The following OR9Q1 variants were observed in gnomAD, a reference collection of about 807,000 sequenced individuals.
OR9Q1 encodes olfactory receptor 9Q1.
For missense variants in OR9Q1, 374 were observed against 378.8 expected (o/e 0.99, Z 0.11); for synonymous variants, 153 against 148.6 (o/e 1.03, Z -0.22).
At position 58,160,438 on chromosome 11, in the gene OR9Q1, T is replaced by TTTGTTGTTG. The variant is rs138422584; in HGVS notation, c.-14-18963_-14-18955dup. 1.2e-3 allele frequency among the ~76,000 whole-genome samples: 180 copies of TTTGTTGTTG among 150,202 alleles called. 1 individual carries two copies. Among genetic ancestry groups the TTTGTTGTTG allele is most frequent in the African/African-American group, 4.2e-3 (169 of 40,658 alleles). The stretch of plus-strand genomic sequence containing the variant: ...AATTTTGATCTGAATGAGTAGAATA[T>TTTGTTGTTG]TTGTTGTTGTTGTTGTTGTTGTTGT... On this transcript the variant is annotated intron_variant, in intron 2 of 2. Coordinates refer to ENST00000335397, the MANE Select transcript of OR9Q1 (RefSeq NM_001005212.4).
chr11:58,106,238 A>G (rs1218253914), intron 2 of OR9Q1, among the ~76,000 whole-genome samples: 2 of 149,494 alleles, frequency 1.3e-5, no homozygotes, highest in Non-Finnish European at 3.0e-5. Flanking sequence ...CATTTCCCTT[A>G]TGATTTAGTG....
chr11:58,043,001 C>T (rs1229670178), intron 1 of OR9Q1, among the ~76,000 whole-genome samples: 1 of 152,086 alleles, frequency 6.6e-6, no homozygotes, highest in Non-Finnish European at 1.5e-5. Context: ...GATTTTATAT[C>T]CTGAGACTTT....
chr11:58,042,656 C>A (rs181455055), intron 1 of OR9Q1, among the ~76,000 whole-genome samples: 3,966 of 151,538 alleles, frequency 0.026, 71 homozygotes, highest in East Asian at 0.061. Context: ...TATGAACTTT[C>A]AAGTAGTTTT....
At chr11:58,125,955 A>G (rs2441964) in intron 2 of OR9Q1, among the ~76,000 whole-genome samples, 120,992 of 152,052 alleles carry the variant, frequency 0.8, 48,397 homozygotes, top group East Asian at 0.96. Flanking sequence ...TCTTTACAAC[A>G]CACTCATCCT....
intron 2 of OR9Q1, among the ~76,000 whole-genome samples, chr11:58,092,657 C>T (rs1392266187): frequency 3.9e-5 from 6 of 152,028 alleles, no homozygotes; most frequent in Admixed American, 3.9e-4. Context: ...TTTTTCGTTT[C>T]TCCTTTTTAT....
At chr11:58,050,475 G>C in intron 1 of OR9Q1, among the ~76,000 whole-genome samples, 1 of 120,044 alleles carries the variant, frequency 8.3e-6, no homozygotes, top group Non-Finnish European at 1.7e-5. Flanking sequence ...TTAAACGTTA[G>C]ACCTAAAACC....
chr11:58,083,449 C>T (rs1265497343), intron 2 of OR9Q1, among the ~76,000 whole-genome samples: 2 of 151,832 alleles, frequency 1.3e-5, no homozygotes, highest in Non-Finnish European at 2.9e-5. Context: ...TTTTGCTGAG[C>T]AGAAGCTCTT....
At chr11:58,070,176 A>ATT (rs535759379) in intron 2 of OR9Q1, among the ~76,000 whole-genome samples, 1 of 136,924 alleles carries the variant, frequency 7.3e-6, no homozygotes. Context: ...TAATTTTTGT[A>ATT]TTTTTTTTTT....
chr11:58,140,310 T>A (rs1374777072), intron 2 of OR9Q1, among the ~76,000 whole-genome samples: 1 of 152,198 alleles, frequency 6.6e-6, no homozygotes, highest in Non-Finnish European at 1.5e-5. Flanking sequence ...ATTTGTCAAT[T>A]TTGGCTTTTG....
chr11:58,029,157 A>G (rs1474849461), intron 1 of OR9Q1, among the ~76,000 whole-genome samples: 1 of 152,216 alleles, frequency 6.6e-6, no homozygotes, highest in Non-Finnish European at 1.5e-5. Context: ...AGGGCTCAGA[A>G]GGGAAGGCTG....
At chr11:58,054,343 T>C (rs1192824674) in intron 1 of OR9Q1, among the ~76,000 whole-genome samples, 1 of 152,164 alleles carries the variant, frequency 6.6e-6, no homozygotes, top group Non-Finnish European at 1.5e-5. Flanking sequence ...TTCTTTATAA[T>C]AGAGCTCCTA....
At chr11:58,039,933 C>T (rs1224703082) in intron 1 of OR9Q1, among the ~76,000 whole-genome samples, 3 of 152,172 alleles carry the variant, frequency 2.0e-5, no homozygotes, top group African/African-American at 7.2e-5. Flanking sequence ...AGTGTTTGTT[C>T]TGTGCCAGGT....
At chr11:58,149,353 G>C (rs1157044179) in intron 2 of OR9Q1, among the ~76,000 whole-genome samples, 1 of 152,042 alleles carries the variant, frequency 6.6e-6, no homozygotes, top group Non-Finnish European at 1.5e-5. Flanking sequence ...CTGTATTCCT[G>C]GTGTGTCACT....
rs540767681 is a variant in OR9Q1, at chr11:58,176,836, G to A, written c.-14-2595G>A. ...CTGGGAGGGCAACAAGAACCACCCA[G>A]ACTTCCTGATGCTCAGCAGAATACT... On this transcript the variant is annotated intron_variant, in intron 2 of 2. Transcript: ENST00000335397. 7.2e-5 allele frequency among the ~76,000 whole-genome samples: 11 copies of A among 152,260 alleles called. No homozygotes were observed. In the East Asian group the frequency reaches 2.1e-3, roughly 29 times the overall value.
intron 2 of OR9Q1, among the ~76,000 whole-genome samples, chr11:58,092,588 T>C (rs1484208348): frequency 6.6e-6 from 1 of 152,196 alleles, no homozygotes; most frequent in East Asian, 1.9e-4. Flanking sequence ...CAAGTCGATA[T>C]ATTCTAAGCC....
At chr11:58,123,219 A>G (rs1374178916) in intron 2 of OR9Q1, among the ~76,000 whole-genome samples, 1 of 152,174 alleles carries the variant, frequency 6.6e-6, no homozygotes, top group Non-Finnish European at 1.5e-5. Context: ...TCAGCTATAA[A>G]TTTGTTTTGT....
intron 2 of OR9Q1, among the ~76,000 whole-genome samples, chr11:58,059,480 G>A (rs1853358633): frequency 6.6e-6 from 1 of 152,006 alleles, no homozygotes; most frequent in Admixed American, 6.6e-5. Context: ...CAGATCAATT[G>A]AGGTCAGGAG....
intron 2 of OR9Q1, among the ~76,000 whole-genome samples, chr11:58,108,536 C>T (rs1361482967): frequency 6.6e-6 from 1 of 152,064 alleles, no homozygotes; most frequent in Non-Finnish European, 1.5e-5. Context: ...GGAAGTCATC[C>T]AAACCAACAT....
At chr11:58,170,149 A>G (rs1474262301) in intron 2 of OR9Q1, among the ~76,000 whole-genome samples, 2 of 152,090 alleles carry the variant, frequency 1.3e-5, no homozygotes, top group Non-Finnish European at 2.9e-5. Context: ...CTAGGAAGTG[A>G]GGCATAAGTA....
Sources: allele counts gnomAD v4.1 joint callset (sites outside exome capture counted in the v4.1 genomes callset), GRCh38; gene constraint gnomAD v4.1.1; transcripts MANE v1.5; gene names NCBI Gene and HGNC (gene_info 2026-07-23, HGNC 2026-07-21).